Variants in TNFSF4 observed in about 807,000 individuals in gnomAD.
The protein encoded by TNFSF4 is TNF superfamily member 4.
In TNFSF4, 4 loss-of-function variants were observed where a neutral mutation model predicts 7.3. The ratio of observed to expected loss-of-function variants is 0.55; its 90% CI spans 0.27 to 1.25. TNFSF4 has a LOEUF of 1.25. Among genes scored for constraint, TNFSF4 ranks in the 50% most tolerant of loss-of-function variants. TNFSF4 has a pLI of 0.12. For synonymous variants in TNFSF4, 76 were observed against 83.7 expected (o/e 0.91, Z 0.50); for missense variants, 181 against 208.8 (o/e 0.87, Z 0.82).
the TNFSF4 span, among the ~76,000 whole-genome samples, chr1:173,409,813 A>G: frequency 6.6e-6 from 1 of 152,218 alleles, no homozygotes; most frequent in African/African-American, 2.4e-5. Flanking sequence ...GGTGGCTGGC[A>G]GTAAGCCCTG....
At chr1:173,399,285 T>A in the TNFSF4 span, among the ~76,000 whole-genome samples, 1 of 152,162 alleles carries the variant, frequency 6.6e-6, no homozygotes, top group African/African-American at 2.4e-5. Flanking sequence ...AGCTGACAGA[T>A]AAGAAGACCC....
At chr1:173,357,099 G>C in the TNFSF4 span, among the ~76,000 whole-genome samples, 159 of 152,266 alleles carry the variant, frequency 1.0e-3, 1 homozygote, top group African/African-American at 3.6e-3. Context: ...AGAAAACTTG[G>C]GGAAGAAAAT....
At chr1:173,280,253 G>C in the TNFSF4 span, among the ~76,000 whole-genome samples, 1 of 152,068 alleles carries the variant, frequency 6.6e-6, no homozygotes, top group African/African-American at 2.4e-5. Flanking sequence ...CCCCTCAAGA[G>C]AGGCTGGATA....
the TNFSF4 span, among the ~76,000 whole-genome samples, chr1:173,300,130 GATAGATAGA>G: frequency 1.5e-5 from 1 of 68,532 alleles, no homozygotes; most frequent in Admixed American, 1.7e-4. Flanking sequence ...TAGATAGATA[GATAGATAGA>G]TAATAAATAG....
At chr1:173,407,416 C>T in the TNFSF4 span, among the ~76,000 whole-genome samples, 1 of 151,826 alleles carries the variant, frequency 6.6e-6, no homozygotes, top group African/African-American at 2.4e-5. Context: ...AAAAATTTGT[C>T]GGGTGTGGTC....
the TNFSF4 span, among the ~76,000 whole-genome samples, chr1:173,329,964 G>A: frequency 6.6e-6 from 1 of 152,120 alleles, no homozygotes; most frequent in Admixed American, 6.5e-5. Context: ...AATCAGTGAT[G>A]CATAAACTCT....
At chr1:173,276,790 C>T in the TNFSF4 span, among the ~76,000 whole-genome samples, 3 of 152,264 alleles carry the variant, frequency 2.0e-5, no homozygotes, top group Admixed American at 6.5e-5. Flanking sequence ...ATGGGGAGAA[C>T]TTGCCTGTGT....
chr1:173,426,282 T>C, the TNFSF4 span, among the ~76,000 whole-genome samples: 12 of 152,162 alleles, frequency 7.9e-5, no homozygotes, highest in African/African-American at 2.7e-4. Context: ...CTTTGTCAGA[T>C]ATGGGAACTT....
At chr1:173,232,733 G>T in the TNFSF4 span, among the ~76,000 whole-genome samples, 8 of 152,128 alleles carry the variant, frequency 5.3e-5, no homozygotes, top group Admixed American at 2.6e-4. Context: ...TAATCATGTG[G>T]TTTTTGTCTT....
At chr1:173,381,325 T>G in the TNFSF4 span, among the ~76,000 whole-genome samples, 4 of 152,138 alleles carry the variant, frequency 2.6e-5, no homozygotes, top group Admixed American at 2.6e-4. Flanking sequence ...TCAGGGATAG[T>G]ATGAGATGCC....
the TNFSF4 span, among the ~76,000 whole-genome samples, chr1:173,302,976 G>A: frequency 1.3e-5 from 2 of 151,768 alleles, no homozygotes; most frequent in Admixed American, 1.3e-4. Flanking sequence ...CAGAGGTATA[G>A]GTATTAATTG....
At chr1:173,180,675 T>C (rs1362805630), downstream of TNFSF4, among the ~76,000 whole-genome samples, 1 of 152,238 alleles carries the variant, frequency 6.6e-6, no homozygotes, top group Non-Finnish European at 1.5e-5. Flanking sequence ...TTTGCGTCAG[T>C]GTTCAAGAGT....
At chr1:173,367,332 T>C in the TNFSF4 span, among the ~76,000 whole-genome samples, 1 of 152,194 alleles carries the variant, frequency 6.6e-6, no homozygotes, top group Non-Finnish European at 1.5e-5. Context: ...CGAACCTATC[T>C]CTTTGTGTTA....
chr1:173,396,372 T>A, the TNFSF4 span, among the ~76,000 whole-genome samples: 1 of 151,974 alleles, frequency 6.6e-6, no homozygotes, highest in African/African-American at 2.4e-5. Flanking sequence ...TTAGCCAGCA[T>A]GATGATGCAC....
At chr1:173,210,587 A>T (rs763098425), upstream of TNFSF4, among the ~76,000 whole-genome samples, 25 of 152,228 alleles carry the variant, frequency 1.6e-4, no homozygotes, top group Non-Finnish European at 3.2e-4. Flanking sequence ...TTTGGACTTC[A>T]TGCTGCAGCT....
chr1:173,194,218 G>A (rs10798264), intron 1 of TNFSF4, among the ~76,000 whole-genome samples: 48,014 of 152,184 alleles, frequency 0.32, 8,973 homozygotes, highest in African/African-American at 0.51. Context: ...TGAATGAATA[G>A]TATGGTTGTC....
the TNFSF4 span, among the ~76,000 whole-genome samples, chr1:173,214,487 G>A: frequency 6.6e-6 from 1 of 152,086 alleles, no homozygotes; most frequent in African/African-American, 2.4e-5. Context: ...TTCGATCAAG[G>A]GTGTTCAATC....
At chr1:173,405,294 T>A in the TNFSF4 span, among the ~76,000 whole-genome samples, 1 of 152,184 alleles carries the variant, frequency 6.6e-6, no homozygotes, top group Non-Finnish European at 1.5e-5. Flanking sequence ...GTAGCTGGGG[T>A]CCAGTAAAAT....
downstream of TNFSF4, among the ~76,000 whole-genome samples, chr1:173,181,615 G>A (rs115769331): frequency 4.2e-3 from 638 of 152,190 alleles, 4 homozygotes; most frequent in African/African-American, 0.014. Context: ...TACTCTGAGC[G>A]CTCAATCTCC....
Sources: gnomAD v4.1 joint callset for allele counts (sites outside exome capture counted in the v4.1 genomes callset) on GRCh38, gnomAD v4.1.1 for gene constraint, MANE v1.5 for transcripts, NCBI Gene and HGNC (gene_info 2026-07-23, HGNC 2026-07-21) for gene names.